The following NOX4 variants were observed in gnomAD, a reference collection of about 807,000 sequenced individuals.
NOX4 encodes the protein kidney oxidase-1.
NOX4 carries 69 observed loss-of-function variants against 87.6 expected under a neutral mutation model. The observed-to-expected ratio is 0.79, with a 90% CI of 0.65 to 0.96. NOX4 has a LOEUF of 0.96. Ranked by LOEUF, NOX4 falls within the 40% of genes least tolerant of loss-of-function variation. The probability of loss-of-function intolerance (pLI) is 0.00; values close to 1 mark genes in which losing one functional copy is unlikely to be tolerated. For missense variants in NOX4, 680 were observed against 681.5 expected (o/e 1.00, Z 0.02); for synonymous variants, 275 against 238.2 (o/e 1.15, Z -1.42).
intron 7 of NOX4, among the ~76,000 whole-genome samples, chr11:89,425,861 A>G (rs182117067): frequency 2.6e-3 from 391 of 151,282 alleles, no homozygotes; most frequent in Non-Finnish European, 3.8e-3. Context: ...GCATATATAC[A>G]TATATATATA....
chr11:89,486,939 T>A (rs967574645), intron 2 of NOX4, among the ~76,000 whole-genome samples: 5 of 152,034 alleles, frequency 3.3e-5, no homozygotes, highest in African/African-American at 1.2e-4. Context: ...GCCTGGTTAG[T>A]TGGCCACATA....
At chr11:89,408,137 C>T (rs1942287219) in intron 8 of NOX4, among the ~76,000 whole-genome samples, 1 of 152,040 alleles carries the variant, frequency 6.6e-6, no homozygotes, top group Non-Finnish European at 1.5e-5. Flanking sequence ...TAGAATCCAC[C>T]AGAATGTGCA....
At chr11:89,328,021 G>T (rs1204106966) in intron 17 of NOX4, among the ~76,000 whole-genome samples, 1 of 152,198 alleles carries the variant, frequency 6.6e-6, no homozygotes, top group Non-Finnish European at 1.5e-5. Context: ...ATTGCCTGGA[G>T]GCAATCTGCT....
At chr11:89,501,147 A>T (rs1442334032), upstream of NOX4, among the ~76,000 whole-genome samples, 1 of 152,100 alleles carries the variant, frequency 6.6e-6, no homozygotes, top group Non-Finnish European at 1.5e-5. Context: ...GCAAAATGTT[A>T]CAAGAGACAT....
intron 13 of NOX4, among the ~76,000 whole-genome samples, chr11:89,344,155 G>C (rs1455017325): frequency 1.3e-5 from 2 of 150,682 alleles, no homozygotes; most frequent in Non-Finnish European, 3.0e-5. Context: ...AAAAGTAAAG[G>C]TTTGTAATTT....
chr11:89,537,285 A>G, the NOX4 span, among the ~76,000 whole-genome samples: 103 of 152,232 alleles, frequency 6.8e-4, no homozygotes, highest in African/African-American at 2.4e-3. Flanking sequence ...TGAGTATATT[A>G]TTTGATTTTT....
chr11:89,450,010 T>C (rs932720060), intron 3 of NOX4, among the ~76,000 whole-genome samples: 8 of 152,158 alleles, frequency 5.3e-5, no homozygotes, highest in Non-Finnish European at 7.4e-5. Flanking sequence ...TCATCTATAG[T>C]TTGAAATGCC....
intron 11 of NOX4, among the ~76,000 whole-genome samples, chr11:89,378,468 A>G (rs1306295709): frequency 1.3e-5 from 2 of 152,120 alleles, no homozygotes; most frequent in Non-Finnish European, 2.9e-5. Flanking sequence ...TATGCTCCTT[A>G]TTACAGTCTA....
intron 11 of NOX4, among the ~76,000 whole-genome samples, chr11:89,373,768 A>C (rs1489310714): frequency 6.6e-6 from 1 of 152,092 alleles, no homozygotes; most frequent in Non-Finnish European, 1.5e-5. Context: ...TTAACTACAA[A>C]TCTTGCTAAA....
At chr11:89,399,908 A>G (rs1350014672) in intron 11 of NOX4, 109 bp downstream of exon 11, 2 of 648,768 alleles carry the variant, frequency 3.1e-6, no homozygotes, top group East Asian at 5.6e-5. Flanking sequence ...TTAAACATCA[A>G]GAGTACTATG....
In NOX4 at chr11:89,326,538, A is replaced by G; in HGVS notation, c.*218T>C. ...TAATTTGAGAACTGAAAAGTGAATC[A>G]TCACATCAAATATTCTTCAGGGTCT... On this transcript the variant is annotated 3_prime_UTR_variant, in exon 18 of 18. Coordinates refer to ENST00000263317, the MANE Select transcript of NOX4 (RefSeq NM_016931.5). 2.7e-6 allele frequency: 1 copy of G among 374,872 alleles called. No homozygotes were observed. Among genetic ancestry groups the G allele is most frequent in the Non-Finnish European group, 4.8e-6 (1 of 208,798 alleles). 23.2% of individuals were successfully genotyped at this position (374,872 alleles called of 1,614,324 possible). A position where few individuals can be genotyped will look rare whatever the true frequency, so the allele number is the denominator to read the frequency against.
At chr11:89,525,994 T>C in the NOX4 span, among the ~76,000 whole-genome samples, 2 of 152,152 alleles carry the variant, frequency 1.3e-5, no homozygotes, top group Admixed American at 1.3e-4. Context: ...GTTACATTTA[T>C]ACCTTTTTCC....
chr11:89,324,618 T>C lies in NOX4; in HGVS notation c.*2138A>G, dbSNP rs1438380452. On this transcript the variant is annotated 3_prime_UTR_variant, in exon 18 of 18. Coordinates refer to ENST00000263317, the MANE Select transcript of NOX4 (RefSeq NM_016931.5). ...TTGAAAAATCTTCTACCTGTTTTAA[T>C]GAAATTAGGTCTATTAATATGATCG... 2.0e-5 allele frequency: 3 copies of C among 152,200 alleles called. No individual in the cohort carries two copies. The highest frequency in any genetic ancestry group is 4.4e-5 in the Non-Finnish European group (3 of 68,034). The allele number at this position is 152,200 out of a possible 1,614,324, so 9.4% of individuals were successfully genotyped here. A position where few individuals can be genotyped will look rare whatever the true frequency, so the allele number is the denominator to read the frequency against.
the NOX4 span, chr11:89,577,260 A>G: frequency 6.6e-6 from 1 of 152,186 alleles, no homozygotes; most frequent in Admixed American, 6.5e-5. Context: ...TTGATAATCT[A>G]TTCTTATATA....
At chr11:89,555,652 G>A in the NOX4 span, among the ~76,000 whole-genome samples, 4 of 152,062 alleles carry the variant, frequency 2.6e-5, no homozygotes, top group Non-Finnish European at 4.4e-5. Flanking sequence ...GGAAAGGCAG[G>A]CTAAGTGTAA....
upstream of NOX4, among the ~76,000 whole-genome samples, chr11:89,491,727 TAC>T (rs66820323): frequency 0.11 from 15,689 of 140,582 alleles, 1,384 homozygotes; most frequent in East Asian, 0.32. Context: ...CGCCCCCTTG[TAC>T]ACACACACAC....
intron 9 of NOX4, 84 bp downstream of exon 9, chr11:89,402,242 A>C: frequency 1.0e-6 from 1 of 988,932 alleles, no homozygotes; most frequent in East Asian, 2.5e-5. Context: ...ATGAATATAT[A>C]GCTTGAAAAA....
intron 2 of NOX4, among the ~76,000 whole-genome samples, chr11:89,482,614 A>G (rs1946434826): frequency 6.6e-6 from 1 of 152,082 alleles, no homozygotes; most frequent in Admixed American, 6.6e-5. Flanking sequence ...AGAACTATGA[A>G]GAAATTTCTT....
chr11:89,329,356 G>GAAAAAAAAA (rs377055666), intron 17 of NOX4, among the ~76,000 whole-genome samples: 69 of 34,612 alleles, frequency 2.0e-3, no homozygotes, highest in African/African-American at 4.5e-3. Context: ...GAAAAAAACT[G>GAAAAAAAAA]AAAAAAAAAA....
Sources: allele counts gnomAD v4.1 joint callset (sites outside exome capture counted in the v4.1 genomes callset), GRCh38; gene constraint gnomAD v4.1.1; transcripts MANE v1.5; gene names NCBI Gene and HGNC (gene_info 2026-07-23, HGNC 2026-07-21).